Variants in RAB3A observed in about 807,000 individuals in gnomAD.
The protein encoded by RAB3A is RAB3A, member RAS oncogene family.
A neutral mutation model predicts 19.7 loss-of-function variants in RAB3A; 5 were observed. The observed-to-expected ratio is 0.25, with a 90% CI of 0.13 to 0.53. RAB3A has a LOEUF of 0.53. Ranked by LOEUF, RAB3A falls within the 20% of genes least tolerant of loss-of-function variation. RAB3A has a pLI of 0.95. For missense variants in RAB3A, 189 were observed against 305.6 expected (o/e 0.62, Z 2.85); for synonymous variants, 119 against 122.1 (o/e 0.97, Z 0.17).
Position 18,202,524 on chromosome 19 carries a change from G to C in RAB3A, c.217C>G (p.Leu73Val). ...TIYRNDKRIK[L>V]QIWDTAGQER... ...CAGCTGGGACCCACCCAGATCTGCA[G>C]CTTGATCCTCTTGTCGTTGCGATAG... The change falls in exon 2 of 5, where the codon CTG becomes GTG. Residue 73 changes from leucine to valine, a missense_variant. Leu to Val is a conservative substitution (Grantham distance 32, BLOSUM62 1). Coordinates refer to ENST00000222256, the MANE Select transcript of RAB3A (RefSeq NM_002866.5). The surrounding 1 kb of genome is among the most constrained non-coding windows in gnomAD (Gnocchi z 4.2). 1.2e-6 allele frequency: 2 copies of C among 1,614,166 alleles called. No individual in the cohort carries two copies. Among genetic ancestry groups the C allele is most frequent in the Non-Finnish European group, 1.7e-6 (2 of 1,179,986 alleles).
At position 18,197,672 on chromosome 19, in the gene RAB3A, G is replaced by C. The variant is rs769906126; in HGVS notation, c.473-12C>G. 4.6e-5 allele frequency: 73 copies of C among 1,600,944 alleles called. No homozygotes were observed. The highest frequency in any genetic ancestry group is 5.9e-5 in the Non-Finnish European group (69 of 1,171,124). On this transcript the variant is annotated splice_polypyrimidine_tract_variant and intron_variant, in intron 4 of 4. Transcript: ENST00000222256. ...AAAGAACTCGAACCCTGTGGTCAGA[G>C]AAGGCAGGGATGAGGACCCTGGCCA...
intron 4 of RAB3A, 44 bp from the exon 5 acceptor site, chr19:18,197,704 A>T: frequency 2.0e-6 from 3 of 1,505,134 alleles, no homozygotes; most frequent in Non-Finnish European, 2.7e-6. Context: ...GCCACGCCCT[A>T]TGCCAACTCC....
In RAB3A at chr19:18,202,151, T is replaced by C. The variant is rs1373788109; in HGVS notation, c.228+362A>G. 6.6e-6 allele frequency among the ~76,000 whole-genome samples: 1 copy of C among 152,168 alleles called. No homozygotes were observed. Among genetic ancestry groups the C allele is most frequent in the Non-Finnish European group, 1.5e-5 (1 of 68,028 alleles). On this transcript the variant is annotated intron_variant, in intron 2 of 4. Transcript: ENST00000222256. The surrounding 1 kb of genome is among the most constrained non-coding windows in gnomAD (Gnocchi z 4.2). ...AGGAGGCTCAGGTGGAAGAATGGTT[T>C]GAGCCTGGGAAGTCGAGGCTGCAGA...
rs1600026535 is a variant in RAB3A, at chr19:18,197,406, A to C, written c.*64T>G. On this transcript the variant is annotated 3_prime_UTR_variant, in exon 5 of 5. Coordinates refer to ENST00000222256, the MANE Select transcript of RAB3A (RefSeq NM_002866.5). ...GCCCGTGGCTGGTAGGGGCCGGGTC[A>C]GGCCCGGGTAGTTGGGGGAAGGTGG... 1.3e-6 allele frequency: 2 copies of C among 1,506,016 alleles called. No individual in the cohort carries two copies. Among genetic ancestry groups the C allele is most frequent in the Non-Finnish European group, 1.8e-6 (2 of 1,106,690 alleles). 93.3% of individuals were successfully genotyped at this position (1,506,016 alleles called of 1,614,324 possible).
intron 4 of RAB3A, 118 bp from the exon 5 acceptor site, chr19:18,197,778 GGT>G: frequency 2.1e-5 from 4 of 188,806 alleles, no homozygotes; most frequent in Non-Finnish European, 4.1e-5. Flanking sequence ...ACTTATTGAA[GGT>G]ACTGACAAAT....
Position 18,196,970 on chromosome 19 carries a change from G to A in RAB3A, c.*500C>T, listed in dbSNP as rs909408618. On this transcript the variant is annotated 3_prime_UTR_variant, in exon 5 of 5. Transcript: ENST00000222256. ...ACACCCCCCCACCAAAAGAGAAAAC[G>A]GGGAGAGGAGCCTGGCAGGCCAGAC... The A allele has an allele frequency of 4.2e-5, 7 of 168,640 alleles. No homozygotes were observed. The highest frequency in any genetic ancestry group is 5.5e-5 in the Admixed American group (1 of 18,032). The allele number at this position is 168,640 out of a possible 1,614,324, so 10.4% of individuals were successfully genotyped here.
intron 3 of RAB3A, among the ~76,000 whole-genome samples, 156 bp downstream of exon 3, chr19:18,200,171 T>C (rs1967588050): frequency 6.6e-6 from 1 of 151,978 alleles, no homozygotes; most frequent in Admixed American, 6.6e-5. Context: ...TAGTCCCAGC[T>C]ACTTGGGAGG....
intron 1 of RAB3A, among the ~76,000 whole-genome samples, chr19:18,203,161 C>A (rs923461123): frequency 3.3e-5 from 5 of 152,198 alleles, no homozygotes; most frequent in African/African-American, 1.2e-4. Flanking sequence ...CTGCAGCCCC[C>A]GCTCCCCGCA....
chr19:18,197,245 G>C lies in RAB3A; in HGVS notation c.*225C>G. The stretch of plus-strand genomic sequence containing the variant: ...GAGACACCACAGCTGAGTGGGGAAA[G>C]GGCTATATGTACAGGAGGGGCAGGG... On this transcript the variant is annotated 3_prime_UTR_variant, in exon 5 of 5. Transcript: ENST00000222256. 1 of 525,956 alleles carries C rather than the reference G, an allele frequency of 1.9e-6. No individual in the cohort carries two copies. Among genetic ancestry groups the C allele is most frequent in the African/African-American group, 2.0e-5 (1 of 50,864 alleles). 32.6% of individuals were successfully genotyped at this position (525,956 alleles called of 1,614,324 possible). A position where few individuals can be genotyped will look rare whatever the true frequency, so the allele number is the denominator to read the frequency against.
Position 18,200,186 on chromosome 19 carries a change from G to C in RAB3A, c.347+141C>G. 2.3e-5 allele frequency: 14 copies of C among 598,290 alleles called. No homozygotes were observed. The South Asian group carries it at 3.0e-4, about 13-fold the overall frequency. 37.1% of individuals were successfully genotyped at this position (598,290 alleles called of 1,614,324 possible). A position where few individuals can be genotyped will look rare whatever the true frequency, so the allele number is the denominator to read the frequency against. On this transcript the variant is annotated intron_variant, in intron 3 of 4. Transcript: ENST00000222256. Reference sequence around the variant, plus strand: ...TAGTCCCAGCTACTTGGGAGGCTGAGGCAGGAGGATCACTTGAGCCCAGGA... The same window carrying C: ...TAGTCCCAGCTACTTGGGAGGCTGACGCAGGAGGATCACTTGAGCCCAGGA...
rs888832900 is a variant in RAB3A at position 18,203,694 on chromosome 19, AG to A, written c.-1+201del. On this transcript the variant is annotated intron_variant, in intron 1 of 4. Transcript: ENST00000222256. Reference sequence around the variant, plus strand: ...CTCCCCTCCCCCTCCGCCGCAGAGCAGGGGGGTTGGGGGGGTTAGTGGTGAG... The same window carrying A: ...CTCCCCTCCCCCTCCGCCGCAGAGCAGGGGGTTGGGGGGGTTAGTGGTGAG... Among the ~76,000 whole-genome samples, 8 of 152,240 alleles carry A rather than the reference AG, an allele frequency of 5.3e-5. No homozygotes were observed. The South Asian group carries it at 1.0e-3, about 20-fold the overall frequency.
intron 2 of RAB3A, among the ~76,000 whole-genome samples, chr19:18,201,251 A>AC (rs1476835879): frequency 0.094 from 6,349 of 67,854 alleles, 117 homozygotes; most frequent in Non-Finnish European, 0.14. Context: ...AATAACAACA[A>AC]AAAAAAAAAA....
At chr19:18,201,242 A>G (rs1967604081) in intron 2 of RAB3A, among the ~76,000 whole-genome samples, 1 of 97,822 alleles carries the variant, frequency 1.0e-5, no homozygotes. Flanking sequence ...TCTCAAAACA[A>G]TAACAACAAA....
At chr19:18,200,166 C>A (rs1360200686) in intron 3 of RAB3A, among the ~76,000 whole-genome samples, 161 bp downstream of exon 3, 2 of 152,034 alleles carry the variant, frequency 1.3e-5, no homozygotes, top group Non-Finnish European at 2.9e-5. Flanking sequence ...GCCTGTAGTC[C>A]CAGCTACTTG....
In RAB3A at chr19:18,200,580, G is replaced by C. The variant is rs553207897; in HGVS notation, c.229-135C>G. The C allele has an allele frequency of 1.2e-5, 8 of 673,566 alleles. No individual in the cohort carries two copies. In the South Asian group the frequency reaches 1.5e-4, roughly 13 times the overall value. 41.7% of individuals were successfully genotyped at this position (673,566 alleles called of 1,614,324 possible). ...CCAGGGGCACAAAGTGTCAGGAAGA[G>C]CAGGTTGGGTCACCAGTGCTCAGAA... On this transcript the variant is annotated intron_variant, in intron 2 of 4. Transcript: ENST00000222256.
At chr19:18,201,267 G>GAAAT (rs1460519039) in intron 2 of RAB3A, among the ~76,000 whole-genome samples, 1 of 130,378 alleles carries the variant, frequency 7.7e-6, no homozygotes, top group African/African-American at 2.8e-5. Flanking sequence ...AAAAAAAAAA[G>GAAAT]AAAGAAAGAA....
chr19:18,201,601 CAAAT>C lies in RAB3A; in HGVS notation c.228+908_228+911del, dbSNP rs201632830. ...AACTCTGTCTCAAAAAACAAACAAACAAATAAACAAACATGGACTGGGCACTGAT... is the reference window on the plus strand; with the variant it reads ...AACTCTGTCTCAAAAAACAAACAAACAAACAAACATGGACTGGGCACTGAT... On this transcript the variant is annotated intron_variant, in intron 2 of 4. Coordinates refer to ENST00000222256, the MANE Select transcript of RAB3A (RefSeq NM_002866.5). Among the ~76,000 whole-genome samples the C allele has an allele frequency of 8.8e-3, 1,337 of 152,086 alleles. 12 individuals carry two copies. The highest frequency in any genetic ancestry group is 0.015 in the Non-Finnish European group (1,003 of 67,952).
chr19:18,202,792 T>G lies in RAB3A; in HGVS notation c.1-52A>C, dbSNP rs766044713. ...GTGAGGGGGGCTCTCTCCATCCTCA[T>G]GTGCCCAAGCCCAGGCAGAAGATGG... On this transcript the variant is annotated intron_variant, in intron 1 of 4. Coordinates refer to ENST00000222256, the MANE Select transcript of RAB3A (RefSeq NM_002866.5). This position sits in a 1 kb window ranked among gnomAD's most constrained non-coding sequence, Gnocchi z 4.2. 1 of 1,468,984 alleles carries G rather than the reference T, an allele frequency of 6.8e-7. No homozygotes were observed. Among genetic ancestry groups the G allele is most frequent in the Non-Finnish European group, 9.5e-7 (1 of 1,053,686 alleles). 91.0% of individuals were successfully genotyped at this position (1,468,984 alleles called of 1,614,324 possible).
intron 3 of RAB3A, among the ~76,000 whole-genome samples, chr19:18,199,148 C>G (rs2147981262): frequency 6.6e-6 from 1 of 152,162 alleles, no homozygotes; most frequent in South Asian, 2.1e-4. Context: ...AGGCATGAGC[C>G]ACCCAGCCCA....
Sources: gnomAD v4.1 joint callset for allele counts (sites outside exome capture counted in the v4.1 genomes callset) on GRCh38, gnomAD v4.1.1 for gene constraint, Gnocchi (gnomAD v3.1) non-coding constraint, MANE v1.5 for transcripts, NCBI Gene and HGNC (gene_info 2026-07-23, HGNC 2026-07-21) for gene names.